EPM2A: variants seen among roughly 807,000 people sequenced by gnomAD.
EPM2A encodes the protein laforin.
In EPM2A, 21 loss-of-function variants were observed where a neutral mutation model predicts 26.5. That is an observed-to-expected ratio of 0.79 (90% CI 0.56 to 1.14). EPM2A has a LOEUF of 1.14. Among genes scored for constraint, EPM2A ranks in the 50% most tolerant of loss-of-function variants. EPM2A has a pLI of 0.00. For synonymous variants in EPM2A, 217 were observed against 177.6 expected (o/e 1.22, Z -1.76); for missense variants, 458 against 440.8 (o/e 1.04, Z -0.35).
chr6:145,403,157 A>G (rs1273012043), intron 4 of EPM2A, among the ~76,000 whole-genome samples: 11 of 152,144 alleles, frequency 7.2e-5, no homozygotes, highest in Non-Finnish European at 2.9e-5. Flanking sequence ...TTTGATATAG[A>G]CGTGTAATGT....
intron 1 of EPM2A, among the ~76,000 whole-genome samples, chr6:145,692,977 G>A (rs768640254): frequency 1.3e-5 from 2 of 152,052 alleles, no homozygotes; most frequent in Non-Finnish European, 1.5e-5. Context: ...GATAGGAATA[G>A]GGTTGAATCT....
chr6:145,397,058 T>C (rs1290167614), intron 4 of EPM2A, among the ~76,000 whole-genome samples: 1 of 152,208 alleles, frequency 6.6e-6, no homozygotes, highest in African/African-American at 2.4e-5. Flanking sequence ...ACATTTCATG[T>C]GTCCTGCCTA....
At chr6:145,556,323 T>C (rs1216123626) in intron 2 of EPM2A, among the ~76,000 whole-genome samples, 1 of 152,088 alleles carries the variant, frequency 6.6e-6, no homozygotes, top group Non-Finnish European at 1.5e-5. Context: ...TTTTTCTCAT[T>C]TCCTTGTGCA....
At chr6:145,511,503 G>A (rs930425006) in intron 2 of EPM2A, among the ~76,000 whole-genome samples, 16 of 152,122 alleles carry the variant, frequency 1.1e-4, no homozygotes, top group African/African-American at 2.2e-4. Flanking sequence ...ATTACGAAAC[G>A]ATATGATCAT....
chr6:145,591,820 C>T (rs1003653943), intron 2 of EPM2A, among the ~76,000 whole-genome samples: 1 of 151,286 alleles, frequency 6.6e-6, no homozygotes, highest in African/African-American at 2.4e-5. Flanking sequence ...TAAAAGATAA[C>T]TATTTTTATT....
intron 4 of EPM2A, among the ~76,000 whole-genome samples, chr6:145,489,019 C>T (rs1032773971): frequency 1.3e-5 from 2 of 152,146 alleles, no homozygotes; most frequent in African/African-American, 4.8e-5. Flanking sequence ...AGAAGTTTAG[C>T]TGGTTTTGAA....
chr6:145,672,308 T>C (rs1779703979), intron 2 of EPM2A, among the ~76,000 whole-genome samples: 1 of 152,164 alleles, frequency 6.6e-6, no homozygotes, highest in Non-Finnish European at 1.5e-5. Context: ...CCAAATCCCT[T>C]TAAAACACAC....
At chr6:145,552,867 G>T (rs1780674335) in intron 2 of EPM2A, among the ~76,000 whole-genome samples, 1 of 152,046 alleles carries the variant, frequency 6.6e-6, no homozygotes, top group South Asian at 2.1e-4. Context: ...TATCTGATTG[G>T]TTATTAAAGA....
At chr6:145,576,934 A>G (rs1221753019) in intron 2 of EPM2A, among the ~76,000 whole-genome samples, 2 of 151,792 alleles carry the variant, frequency 1.3e-5, no homozygotes, top group African/African-American at 4.8e-5. Flanking sequence ...TTTTCTTGTG[A>G]TTAGAGTTAA....
At chr6:145,632,637 C>T (rs562152089) in intron 3 of EPM2A, among the ~76,000 whole-genome samples, 9 of 152,290 alleles carry the variant, frequency 5.9e-5, no homozygotes, top group Admixed American at 2.6e-4. Context: ...TGACAACTAG[C>T]GGTGACAGTC....
chr6:145,531,751 C>T (rs946650631), intron 2 of EPM2A, among the ~76,000 whole-genome samples: 15 of 152,120 alleles, frequency 9.9e-5, no homozygotes, highest in African/African-American at 2.2e-4. Context: ...ACACAGGCCC[C>T]GGACATTATG....
At chr6:145,407,568 G>A (rs1164755060) in intron 4 of EPM2A, among the ~76,000 whole-genome samples, 1 of 152,132 alleles carries the variant, frequency 6.6e-6, no homozygotes, top group Non-Finnish European at 1.5e-5. Context: ...ATTGTGAGGA[G>A]TTTTCACAAT....
At chr6:145,582,161 A>AT (rs201976676) in intron 2 of EPM2A, among the ~76,000 whole-genome samples, 4,829 of 151,558 alleles carry the variant, frequency 0.032, 87 homozygotes, top group African/African-American at 0.057. Flanking sequence ...TTAGATTCAA[A>AT]TTTTTTTTTA....
At chr6:145,673,541 C>G (rs1320686135) in intron 2 of EPM2A, among the ~76,000 whole-genome samples, 1 of 152,188 alleles carries the variant, frequency 6.6e-6, no homozygotes, top group East Asian at 1.9e-4. Context: ...CTATGACAGA[C>G]TGTACCTGGA....
At chr6:145,572,589 C>G (rs544541910) in intron 2 of EPM2A, among the ~76,000 whole-genome samples, 1 of 152,254 alleles carries the variant, frequency 6.6e-6, no homozygotes, top group African/African-American at 2.4e-5. Context: ...AGTAACAGAC[C>G]AAGAGCTGTC....
chr6:145,442,873 T>G lies in EPM2A; in HGVS notation c.556-58776A>C, dbSNP rs533629968. On this transcript the variant is annotated intron_variant, in intron 4 of 4. Coordinates refer to the EPM2A transcript ENST00000638717. ...CTTTGTTCTTTCTTACTATTTTTTT[T>G]TTTTTGAGATGGTGTCTCGCTCTGT... 8.5e-5 allele frequency among the ~76,000 whole-genome samples: 13 copies of G among 152,102 alleles called. No individual in the cohort carries two copies. The East Asian group carries it at 2.3e-3, about 27-fold the overall frequency.
intron 2 of EPM2A, chr6:145,640,078 C>T (rs1008807610): frequency 2.0e-5 from 3 of 152,188 alleles, no homozygotes; most frequent in African/African-American, 7.2e-5. Flanking sequence ...TATCATAATA[C>T]TACAGTATTT....
intron 2 of EPM2A, among the ~76,000 whole-genome samples, chr6:145,527,607 CAT>C (rs900559118): frequency 6.6e-6 from 1 of 151,952 alleles, no homozygotes; most frequent in African/African-American, 2.4e-5. Context: ...ATCCTCTGCT[CAT>C]GTGTGTGTGT....
rs148074747 is a variant in EPM2A, at chr6:145,713,562, G to A, written c.301+21636C>T. 4.3e-3 allele frequency among the ~76,000 whole-genome samples: 660 copies of A among 152,118 alleles called. 5 individuals carry two copies. Among genetic ancestry groups the A allele is most frequent in the African/African-American group, 0.014 (572 of 41,504 alleles). On this transcript the variant is annotated intron_variant, in intron 1 of 3. Coordinates refer to ENST00000367519, the MANE Select transcript of EPM2A (RefSeq NM_005670.4). ...GACCCCATTTCACACCCTCTACAAT[G>A]GCTAAAATTAAAAATACACAAAATA... is the stretch of plus-strand genomic sequence containing the variant.
Sources: gnomAD v4.1 joint callset for allele counts (sites outside exome capture counted in the v4.1 genomes callset) on GRCh38, gnomAD v4.1.1 for gene constraint, MANE v1.5 for transcripts, NCBI Gene and HGNC (gene_info 2026-07-23, HGNC 2026-07-21) for gene names.